Variants in HYCC1 observed in about 807,000 individuals in gnomAD.
The protein encoded by HYCC1 is hyccin.
the HYCC1 span, among the ~76,000 whole-genome samples, chr7:22,902,334 TTTAAA>T: frequency 6.8e-6 from 1 of 146,064 alleles, no homozygotes; most frequent in African/African-American, 2.6e-5. Flanking sequence ...ATTTGATAGT[TTTAAA>T]TTAATGATTA....
the HYCC1 span, among the ~76,000 whole-genome samples, chr7:22,957,375 C>T: frequency 1.2e-4 from 18 of 149,740 alleles, no homozygotes; most frequent in Non-Finnish European, 2.4e-4. Context: ...ACTCGTTTCC[C>T]TCTTCTACCC....
At chr7:22,937,690 C>T in the HYCC1 span, 1 of 152,156 alleles carries the variant, frequency 6.6e-6, no homozygotes, top group African/African-American at 2.4e-5. Context: ...TCTAGTAAAA[C>T]AAATCTTTAT....
chr7:22,976,027 A>G, the HYCC1 span, among the ~76,000 whole-genome samples: 1 of 152,230 alleles, frequency 6.6e-6, no homozygotes, highest in East Asian at 1.9e-4. Flanking sequence ...GCCCTTTATC[A>G]TGTTTTTTGT....
the HYCC1 span, among the ~76,000 whole-genome samples, chr7:22,929,940 C>T: frequency 6.6e-6 from 1 of 152,046 alleles, no homozygotes; most frequent in Non-Finnish European, 1.5e-5. Context: ...TTGGAACCAA[C>T]CCAAATGTCC....
At chr7:22,976,947 C>T in the HYCC1 span, 1 of 630,584 alleles carries the variant, frequency 1.6e-6, no homozygotes, top group Non-Finnish European at 2.8e-6. Context: ...ACCAAATTTT[C>T]TGCTCGAAGA....
the HYCC1 span, chr7:22,940,056 T>C: frequency 6.6e-6 from 1 of 152,112 alleles, no homozygotes; most frequent in African/African-American, 2.4e-5. Context: ...GTGCATATTG[T>C]ATAGGACAAA....
At chr7:22,906,231 T>C in the HYCC1 span, among the ~76,000 whole-genome samples, 2 of 152,134 alleles carry the variant, frequency 1.3e-5, no homozygotes, top group Non-Finnish European at 2.9e-5. Context: ...AGAGGTGGCA[T>C]TAAACATTAA....
At chr7:22,908,756 T>C in the HYCC1 span, among the ~76,000 whole-genome samples, 3 of 152,210 alleles carry the variant, frequency 2.0e-5, no homozygotes, top group African/African-American at 7.2e-5. Flanking sequence ...GCCCTTGAAA[T>C]GTCTTGACTG....
the HYCC1 span, among the ~76,000 whole-genome samples, chr7:22,911,684 G>A: frequency 6.6e-6 from 1 of 152,194 alleles, no homozygotes; most frequent in African/African-American, 2.4e-5. Flanking sequence ...CTTGAACCTG[G>A]GAGGCGGAGG....
At chr7:22,926,527 C>G in the HYCC1 span, among the ~76,000 whole-genome samples, 55 of 152,102 alleles carry the variant, frequency 3.6e-4, no homozygotes, top group East Asian at 6.6e-3. Flanking sequence ...GGCAGGGGTT[C>G]CAATCCTAGT....
At chr7:22,998,625 C>T in the HYCC1 span, among the ~76,000 whole-genome samples, 36 of 152,032 alleles carry the variant, frequency 2.4e-4, no homozygotes, top group African/African-American at 8.7e-4. Context: ...TAAATTTCAC[C>T]CTTTATAATG....
the HYCC1 span, among the ~76,000 whole-genome samples, chr7:22,920,955 T>C: frequency 6.6e-6 from 1 of 152,150 alleles, no homozygotes; most frequent in African/African-American, 2.4e-5. Flanking sequence ...ACCCTCTCTC[T>C]TGCTCCCTCT....
the HYCC1 span, among the ~76,000 whole-genome samples, chr7:22,980,903 A>G: frequency 6.6e-6 from 1 of 152,166 alleles, no homozygotes; most frequent in South Asian, 2.1e-4. Flanking sequence ...GCTTAAGCAA[A>G]CTGCACTGTA....
the HYCC1 span, among the ~76,000 whole-genome samples, chr7:22,920,772 C>A: frequency 4.6e-5 from 7 of 152,236 alleles, no homozygotes; most frequent in East Asian, 1.4e-3. Flanking sequence ...GTGTCCCCTA[C>A]AAATCTCGTG....
the HYCC1 span, among the ~76,000 whole-genome samples, chr7:22,899,689 G>A: frequency 6.6e-6 from 1 of 152,090 alleles, no homozygotes; most frequent in Admixed American, 6.5e-5. Flanking sequence ...CTCTAGTTAT[G>A]AATATCCATA....
At chr7:22,936,206 G>A in the HYCC1 span, 1 of 151,976 alleles carries the variant, frequency 6.6e-6, no homozygotes, top group African/African-American at 2.4e-5. Context: ...TCTATTCCAT[G>A]AGGACAAATA....
the HYCC1 span, chr7:22,977,376 T>A: frequency 2.0e-5 from 32 of 1,599,604 alleles, no homozygotes; most frequent in Non-Finnish European, 2.7e-5. Context: ...AAAGATGGAA[T>A]CGTAAAACTC....
At chr7:22,903,340 T>C in the HYCC1 span, among the ~76,000 whole-genome samples, 1 of 151,214 alleles carries the variant, frequency 6.6e-6, no homozygotes, top group Non-Finnish European at 1.5e-5. Context: ...CTTCTTGTAA[T>C]GAAAAAAAAA....
the HYCC1 span, among the ~76,000 whole-genome samples, chr7:22,972,817 A>G: frequency 1.3e-5 from 2 of 152,220 alleles, no homozygotes; most frequent in Admixed American, 1.3e-4. Flanking sequence ...CTGAATCAGG[A>G]AGGCAAAGCT....
Sources: gnomAD v4.1 joint callset for allele counts (sites outside exome capture counted in the v4.1 genomes callset) on GRCh38, gnomAD v4.1.1 for gene constraint, MANE v1.5 for transcripts, NCBI Gene and HGNC (gene_info 2026-07-23, HGNC 2026-07-21) for gene names.